RANBP2: variants seen among roughly 807,000 people sequenced by gnomAD.
RANBP2 encodes the protein E3 SUMO-protein ligase RanBP2.
A neutral mutation model predicts 303.6 loss-of-function variants in RANBP2; 57 were observed. That is an observed-to-expected ratio of 0.19 (90% CI 0.15 to 0.23). The LOEUF (loss-of-function observed/expected upper bound fraction) is 0.23, where lower values mean the gene tolerates loss of function less well. Ranked by LOEUF, RANBP2 falls within the 10% of genes least tolerant of loss-of-function variation. The probability of loss-of-function intolerance (pLI) is 1.00; values close to 1 mark genes in which losing one functional copy is unlikely to be tolerated. For synonymous variants in RANBP2, 1,167 were observed against 1,301.5 expected, an observed-to-expected ratio of 0.90 and a Z score of 2.23; for missense variants, 3,138 against 3,780.8, an observed-to-expected ratio of 0.83 and a Z score of 4.46.
At chr2:109,117,375 G>A in the RANBP2 span, among the ~76,000 whole-genome samples, 6 of 152,222 alleles carry the variant, frequency 3.9e-5, no homozygotes, top group African/African-American at 1.4e-4. Context: ...CCGCCTTGCA[G>A]TTTGATCTCA....
the RANBP2 span, among the ~76,000 whole-genome samples, chr2:109,603,094 A>T: frequency 0.025 from 3,831 of 152,020 alleles, 173 homozygotes; most frequent in African/African-American, 0.087. Flanking sequence ...AAAAAACAAA[A>T]CAAAAAAGCA....
chr2:108,839,422 A>G, the RANBP2 span: 36 of 803,616 alleles, frequency 4.5e-5, no homozygotes, highest in African/African-American at 1.2e-4. Context: ...TTCCCTATCT[A>G]TGTCTTGCTG....
the RANBP2 span, among the ~76,000 whole-genome samples, chr2:108,819,644 G>T: frequency 6.6e-6 from 1 of 152,192 alleles, no homozygotes; most frequent in Non-Finnish European, 1.5e-5. Context: ...TGTCTCAGAA[G>T]AATTTGGATG....
chr2:109,377,054 TG>T, the RANBP2 span, among the ~76,000 whole-genome samples: 1 of 152,246 alleles, frequency 6.6e-6, no homozygotes, highest in South Asian at 2.1e-4. Context: ...TTGCTGCCTT[TG>T]GATTTGGCTT....
At chr2:109,531,099 G>C in the RANBP2 span, among the ~76,000 whole-genome samples, 8 of 152,278 alleles carry the variant, frequency 5.3e-5, no homozygotes, top group East Asian at 1.5e-3. Flanking sequence ...GGTGTGGACC[G>C]AGCAGGAGAG....
the RANBP2 span, among the ~76,000 whole-genome samples, chr2:109,104,577 G>A: frequency 1.7e-4 from 26 of 151,616 alleles, no homozygotes; most frequent in African/African-American, 6.1e-4. Flanking sequence ...TCCGCCTCCC[G>A]GGTTCGTGCC....
At chr2:109,301,308 TG>T in the RANBP2 span, among the ~76,000 whole-genome samples, 2 of 146,218 alleles carry the variant, frequency 1.4e-5, no homozygotes, top group East Asian at 4.2e-4. Context: ...GTGTATGTGG[TG>T]GGGGGCGGGC....
chr2:109,370,165 G>A, the RANBP2 span, among the ~76,000 whole-genome samples: 3 of 152,042 alleles, frequency 2.0e-5, no homozygotes, highest in Admixed American at 2.0e-4. Flanking sequence ...AGTGGCACCC[G>A]TCTTGCCCAG....
At chr2:109,319,093 G>A in the RANBP2 span, among the ~76,000 whole-genome samples, 1 of 152,306 alleles carries the variant, frequency 6.6e-6, no homozygotes, top group East Asian at 1.9e-4. Context: ...AGGGACAGCA[G>A]CTGCTTGTAG....
At chr2:108,819,667 C>A in the RANBP2 span, among the ~76,000 whole-genome samples, 2 of 152,196 alleles carry the variant, frequency 1.3e-5, no homozygotes, top group African/African-American at 4.8e-5. Flanking sequence ...CCCAAAACCT[C>A]TAACTGGGCT....
the RANBP2 span, among the ~76,000 whole-genome samples, chr2:109,685,116 T>C: frequency 6.6e-6 from 1 of 151,134 alleles, no homozygotes; most frequent in Non-Finnish European, 1.5e-5. Context: ...CAGATGATCC[T>C]CCTGCCTCAG....
the RANBP2 span, among the ~76,000 whole-genome samples, chr2:109,062,859 G>A: frequency 6.6e-6 from 1 of 151,684 alleles, no homozygotes; most frequent in South Asian, 2.1e-4. Flanking sequence ...CTGGGAGCGG[G>A]TGGAGGTGAA....
the RANBP2 span, among the ~76,000 whole-genome samples, chr2:109,472,985 G>A: frequency 6.6e-6 from 1 of 152,212 alleles, no homozygotes; most frequent in Non-Finnish European, 1.5e-5. Context: ...TACCCGACTC[G>A]TGGGGCCTTT....
the RANBP2 span, among the ~76,000 whole-genome samples, chr2:109,206,027 G>A: frequency 6.6e-6 from 1 of 152,176 alleles, no homozygotes; most frequent in Non-Finnish European, 1.5e-5. Flanking sequence ...CTAACCTGGT[G>A]AACTGTCACT....
At chr2:109,008,282 ATG>A in the RANBP2 span, among the ~76,000 whole-genome samples, 1 of 152,174 alleles carries the variant, frequency 6.6e-6, no homozygotes, top group Non-Finnish European at 1.5e-5. Flanking sequence ...GTAGCAGAGA[ATG>A]TAAGTGCATG....
chr2:109,087,206 G>A, the RANBP2 span, among the ~76,000 whole-genome samples: 1 of 152,188 alleles, frequency 6.6e-6, no homozygotes, highest in East Asian at 1.9e-4. Context: ...GGCCATTGCA[G>A]GACATTCAAC....
chr2:109,286,423 A>G, the RANBP2 span, among the ~76,000 whole-genome samples: 1 of 152,182 alleles, frequency 6.6e-6, no homozygotes, highest in Non-Finnish European at 1.5e-5. Context: ...GGCAAAGGGC[A>G]TGGGGCTCAG....
At chr2:109,642,570 A>C in the RANBP2 span, among the ~76,000 whole-genome samples, 2 of 151,654 alleles carry the variant, frequency 1.3e-5, no homozygotes, top group Admixed American at 6.6e-5. Context: ...TAACACGGTG[A>C]AACCCCGTCT....
At chr2:109,662,408 T>A in the RANBP2 span, among the ~76,000 whole-genome samples, 2 of 152,290 alleles carry the variant, frequency 1.3e-5, no homozygotes, top group East Asian at 3.9e-4. Context: ...TGCCTCAGCC[T>A]CCCAAGTAGC....
Sources: gnomAD v4.1 joint callset for allele counts (sites outside exome capture counted in the v4.1 genomes callset) on GRCh38, gnomAD v4.1.1 for gene constraint, MANE v1.5 for transcripts, NCBI Gene and HGNC (gene_info 2026-07-23, HGNC 2026-07-21) for gene names.